Variants in KIF22 observed in about 807,000 individuals in gnomAD.
KIF22 encodes the protein kinesin-like protein KIF22.
In KIF22, 62 loss-of-function variants were observed where a neutral mutation model predicts 73.0. The ratio of observed to expected loss-of-function variants is 0.85; its 90% CI spans 0.69 to 1.05. KIF22 has a LOEUF of 1.05. Ranked by LOEUF, KIF22 falls within the 50% of genes least tolerant of loss-of-function variation. The pLI is 0.00. For synonymous variants in KIF22, 411 were observed against 340.1 expected, an observed-to-expected ratio of 1.21 and a Z score of -2.29; for missense variants, 854 against 870.1, an observed-to-expected ratio of 0.98 and a Z score of 0.23.
At chr16:29,801,855 G>T (rs1899148452) in intron 8 of KIF22, among the ~76,000 whole-genome samples, 1 of 152,162 alleles carries the variant, frequency 6.6e-6, no homozygotes, top group Admixed American at 6.5e-5. Flanking sequence ...AGCATAGGAA[G>T]GGAGATGCAT....
intron 1 of KIF22, chr16:29,791,299 C>A: frequency 1.0e-6 from 1 of 960,956 alleles, no homozygotes; most frequent in Non-Finnish European, 1.2e-6. Flanking sequence ...AGAGGACGGG[C>A]TGAGGAACAG....
intron 10 of KIF22, among the ~76,000 whole-genome samples, 192 bp downstream of exon 10, chr16:29,803,800 C>T (rs1266452130): frequency 2.0e-5 from 3 of 151,948 alleles, no homozygotes; most frequent in Non-Finnish European, 4.4e-5. Context: ...GATGGACAAA[C>T]GAGTAGAGGA....
chr16:29,802,558 A>G (rs1899178553), intron 8 of KIF22, among the ~76,000 whole-genome samples: 1 of 152,076 alleles, frequency 6.6e-6, no homozygotes, highest in African/African-American at 2.4e-5. Context: ...CATACCTGGC[A>G]CTCAAGTGTT....
intron 8 of KIF22, 122 bp from the exon 9 acceptor site, chr16:29,802,647 A>G: frequency 3.3e-6 from 3 of 908,854 alleles, no homozygotes; most frequent in Non-Finnish European, 4.8e-6. Flanking sequence ...ATGCCTAGCA[A>G]GTTAACATTA....
intron 11 of KIF22, chr16:29,804,318 A>C (rs1386261514): frequency 8.3e-6 from 5 of 603,662 alleles, no homozygotes; most frequent in Non-Finnish European, 1.5e-5. Context: ...TCTACCCTCT[A>C]CAAGCTTAAG....
In KIF22 at chr16:29,799,198, CAG is replaced by C. The variant is rs542248557; in HGVS notation, c.759+15_759+16del. 8.2e-5 allele frequency: 133 copies of C among 1,612,162 alleles called. No individual in the cohort carries two copies. The African/African-American group carries it at 1.2e-3, about 14-fold the overall frequency. ...CTCCTGGTCAAGGTGAGGCCGCAGACAGGGGCGAGGACCTGGGAAGCCCAGGA... is the reference window on the plus strand; with the variant it reads ...CTCCTGGTCAAGGTGAGGCCGCAGACGGGCGAGGACCTGGGAAGCCCAGGA... On this transcript the variant is annotated intron_variant, in intron 5 of 13. Transcript: ENST00000160827.
At chr16:29,795,032 C>T (rs1268389343) in intron 1 of KIF22, among the ~76,000 whole-genome samples, 1 of 152,214 alleles carries the variant, frequency 6.6e-6, no homozygotes, top group Non-Finnish European at 1.5e-5. Context: ...CTTCCCCTTC[C>T]CCTTAGATTG....
rs762056970 is a variant in KIF22 at position 29,804,851 on chromosome 16, C to T, written c.1715C>T (p.Ala572Val). 10 of 1,613,178 alleles carry T rather than the reference C, an allele frequency of 6.2e-6. No homozygotes were observed. The highest frequency in any genetic ancestry group is 8.5e-6 in the Non-Finnish European group (10 of 1,179,696). ...SLDALEPEEK[A>V]EDCWELQISP... ...GATGCCCTAGAGCCTGAGGAGAAGG[C>T]TGAGGACTGCTGGGAGCTACAGATC... The change falls in exon 12 of 14, where the codon GCT becomes GTT. Residue 572 changes from alanine to valine, a missense_variant. Ala to Val is a moderately conservative substitution (Grantham distance 64, BLOSUM62 0). This residue lies in a region of KIF22 where 423 missense variants were observed against 365.4 expected (regional missense o/e 1.16). Transcript: ENST00000160827.
Position 29,805,000 on chromosome 16 carries a change from C to T in KIF22, c.1864C>T (p.Arg622Trp). The change falls in exon 12 of 14, where the codon CGG (arginine) becomes TGG (tryptophan). Residue 622 changes from arginine to tryptophan, a missense_variant. By Grantham distance (101) the Arg-to-Trp change is moderately radical (BLOSUM62 -3). This residue lies in a region of KIF22 where 423 missense variants were observed against 365.4 expected (regional missense o/e 1.16). Transcript: ENST00000160827. ...GAAGGCCCAGCTAATCGTGGGCTGG[C>T]GGGAGCTCCACGGCCCCTTCAGCCA... ...PKKAQLIVGW[R>W]ELHGPFSQVE... 7 of 1,423,464 alleles carry T rather than the reference C, an allele frequency of 4.9e-6. No homozygotes were observed. The highest frequency in any genetic ancestry group is 1.1e-5 in the South Asian group (1 of 88,138). 88.2% of individuals were successfully genotyped at this position (1,423,464 alleles called of 1,614,324 possible). A position where few individuals can be genotyped will look rare whatever the true frequency, so the allele number is the denominator to read the frequency against.
rs1216687382 is a variant in KIF22, at chr16:29,799,272, G to A, written c.768G>A (p.Gln256=). 5 of 1,613,546 alleles carry A rather than the reference G, an allele frequency of 3.1e-6. No individual in the cohort carries two copies. Among genetic ancestry groups the A allele is most frequent in the African/African-American group, 1.3e-5 (1 of 74,928 alleles). Residue 256 remains glutamine (Q), a synonymous_variant, in exon 6 of 14, where the codon CAG becomes CAA. Coordinates refer to ENST00000160827, the MANE Select transcript of KIF22 (RefSeq NM_007317.3). ...SHAVLLVKVD[Q]RERLAPFRQR... ...TTTGTTCTTACCCCCAGGTGGACCA[G>A]CGGGAACGTTTGGCCCCATTTCGCC...
At position 29,798,647 on chromosome 16, in the gene KIF22, C is replaced by T. The variant is rs776958584; in HGVS notation, c.449C>T (p.Ala150Val). Residue 150 changes from alanine to valine, a missense_variant, in exon 4 of 14, where the codon GCT becomes GTT. Transcript: ENST00000160827. The surrounding 1 kb of genome is among the most constrained non-coding windows in gnomAD (Gnocchi z 4.1). ...GAGCAACCTGGGGTGATCCCGCGGG[C>T]TCTCATGGACCTCCTGCAGCTCACA... The part of the protein sequence containing the change: ...SPEQPGVIPR[A>V]LMDLLQLTRE... 56 of 1,614,052 alleles carry T rather than the reference C, an allele frequency of 3.5e-5. No homozygotes were observed. The highest frequency in any genetic ancestry group is 1.2e-4 in the Admixed American group (7 of 59,998).
At chr16:29,801,580 A>G (rs766786253) in intron 8 of KIF22, among the ~76,000 whole-genome samples, 16 of 152,156 alleles carry the variant, frequency 1.1e-4, no homozygotes, top group Non-Finnish European at 1.9e-4. Context: ...AGGCACTCTG[A>G]GTAAGGGGAA....
In KIF22 at chr16:29,798,710, C is replaced by T; in HGVS notation, c.512C>T (p.Ser171Phe). The change falls in exon 4 of 14, where the codon TCT becomes TTT. Residue 171 changes from serine to phenylalanine, a missense_variant. Ser to Phe is a radical substitution (Grantham distance 155). Around this residue, in one of 3 missense-constraint regions of KIF22, gnomAD observed 245 missense variants for 351.8 expected, o/e 0.70. Coordinates refer to ENST00000160827, the MANE Select transcript of KIF22 (RefSeq NM_007317.3). This position sits in a 1 kb window ranked among gnomAD's most constrained non-coding sequence, Gnocchi z 4.1. ...GCCGAGGGCCGGCCATGGGCCCTTT[C>T]TGTCACCATGTCTTACCTAGAGATC... ...EGAEGRPWAL[S>F]VTMSYLEIYQ... 1 of 1,614,080 alleles carries T rather than the reference C, an allele frequency of 6.2e-7. No individual in the cohort carries two copies. The highest frequency in any genetic ancestry group is 8.5e-7 in the Non-Finnish European group (1 of 1,180,010).
intron 1 of KIF22, 143 bp downstream of exon 1, chr16:29,790,972 T>A: frequency 6.8e-7 from 1 of 1,475,322 alleles, no homozygotes; most frequent in Non-Finnish European, 9.0e-7. Context: ...ACGGTGAGAG[T>A]GTGGGGTCGC....
Position 29,804,840 on chromosome 16 carries a change from T to C in KIF22, c.1704T>C (p.Pro568=). Residue 568 remains proline, a synonymous_variant, in exon 12 of 14, where the codon CCT becomes CCC. Coordinates refer to ENST00000160827, the MANE Select transcript of KIF22 (RefSeq NM_007317.3). ...RKLESLDALE[P]EEKAEDCWEL... Reference sequence around the variant, plus strand: ...TGGAGTCCCTGGATGCCCTAGAGCCTGAGGAGAAGGCTGAGGACTGCTGGG... The same window carrying C: ...TGGAGTCCCTGGATGCCCTAGAGCCCGAGGAGAAGGCTGAGGACTGCTGGG... 1 of 1,612,496 alleles carries C rather than the reference T, an allele frequency of 6.2e-7. No homozygotes were observed. Among genetic ancestry groups the C allele is most frequent in the Non-Finnish European group, 8.5e-7 (1 of 1,179,476 alleles).
At position 29,799,124 on chromosome 16, in the gene KIF22, T is replaced by C. The variant is rs1264700453; in HGVS notation, c.699T>C (p.Thr233=). 3.1e-6 allele frequency: 5 copies of C among 1,614,024 alleles called. No homozygotes were observed. In the African/African-American group the frequency reaches 4.0e-5, roughly 13 times the overall value. ...TCCTGCCAGCCAGTCGAAATCGGAC[T>C]GTAGGAGCCACCCGGCTCAACCAGC... ...RHFLPASRNR[T]VGATRLNQRS... The change falls in exon 5 of 14, where the codon ACT becomes ACC. Residue 233 remains threonine (T), a synonymous_variant. Transcript: ENST00000160827.
intron 8 of KIF22, among the ~76,000 whole-genome samples, chr16:29,801,306 A>AGCCAGTTGCAGTTTTAACTTT (rs1488082439): frequency 1.3e-5 from 2 of 152,256 alleles, no homozygotes; most frequent in East Asian, 3.9e-4. Context: ...ACCCCCCAGG[A>AGCCAGTTGCAGTTTTAACTTT]GCCAGTTGCA....
intron 1 of KIF22, among the ~76,000 whole-genome samples, chr16:29,791,967 C>T (rs138989963): frequency 6.1e-4 from 93 of 152,298 alleles, no homozygotes; most frequent in African/African-American, 2.0e-3. Flanking sequence ...TAGAGTGTCA[C>T]ATACGTAGAT....
Position 29,805,326 on chromosome 16 carries a change from T to G in KIF22, c.*16T>G, listed in dbSNP as rs764832108. 43 of 1,611,200 alleles carry G rather than the reference T, an allele frequency of 2.7e-5. 2 individuals carry two copies. The highest frequency in any genetic ancestry group is 2.2e-4 in the South Asian group (20 of 91,086). On this transcript the variant is annotated 3_prime_UTR_variant, in exon 14 of 14. Transcript: ENST00000160827. Reference sequence around the variant, plus strand: ...CGCCTCCTGACCGTCGTCTCCTCACTCCGCCTTTTCAAATTTTTGTATAAC... The same window carrying G: ...CGCCTCCTGACCGTCGTCTCCTCACGCCGCCTTTTCAAATTTTTGTATAAC...
Sources: gnomAD v4.1 joint callset for allele counts (sites outside exome capture counted in the v4.1 genomes callset) on GRCh38, gnomAD v4.1.1 for gene constraint, gnomAD v4.1.1 regional missense constraint, Gnocchi (gnomAD v3.1) non-coding constraint, MANE v1.5 for transcripts, NCBI Gene and HGNC (gene_info 2026-07-23, HGNC 2026-07-21) for gene names.